Variants in MYO1E observed in about 807,000 individuals in gnomAD.
MYO1E encodes unconventional myosin-Ie.
In MYO1E, 68 loss-of-function variants were observed where a neutral mutation model predicts 151.1. The observed-to-expected ratio is 0.45, with a 90% confidence interval of 0.37 to 0.55. The LOEUF is 0.55. MYO1E is among the 20% of genes least tolerant of loss of function. The pLI, the probability that MYO1E is intolerant of heterozygous loss-of-function variation, is 0.00. For missense variants in MYO1E, 1,363 were observed against 1,389.3 expected, an observed-to-expected ratio of 0.98 and a Z score of 0.30; for synonymous variants, 601 against 501.7, an observed-to-expected ratio of 1.20 and a Z score of -2.64.
intron 1 of MYO1E, among the ~76,000 whole-genome samples, chr15:59,354,357 T>A (rs2080841988): frequency 6.6e-6 from 1 of 152,170 alleles, no homozygotes; most frequent in Non-Finnish European, 1.5e-5. Context: ...GACACAACCT[T>A]GGTCAGGAAA....
chr15:59,323,168 CA>C (rs10569332), intron 1 of MYO1E, among the ~76,000 whole-genome samples: 9,538 of 63,674 alleles, frequency 0.15, 158 homozygotes, highest in East Asian at 0.33. Context: ...GACCCCATCA[CA>C]AAAAAAAAAA....
At chr15:59,289,359 T>G (rs541555483) in intron 1 of MYO1E, among the ~76,000 whole-genome samples, 1 of 152,352 alleles carries the variant, frequency 6.6e-6, no homozygotes, top group African/African-American at 2.4e-5. Context: ...GCCCTGACCC[T>G]CTGGCAATCA....
chr15:59,204,018 G>A (rs892810215), intron 15 of MYO1E, among the ~76,000 whole-genome samples: 45 of 152,164 alleles, frequency 3.0e-4, no homozygotes, highest in East Asian at 1.5e-3. Flanking sequence ...GGCCATGTCC[G>A]TATGACAGCA....
chr15:59,325,166 G>A (rs1352277580), intron 1 of MYO1E, among the ~76,000 whole-genome samples: 1 of 152,052 alleles, frequency 6.6e-6, no homozygotes, highest in Non-Finnish European at 1.5e-5. Flanking sequence ...CTTCCGAGGA[G>A]CTGTGACTAC....
intron 18 of MYO1E, among the ~76,000 whole-genome samples, chr15:59,181,262 G>A (rs767036251): frequency 2.6e-5 from 4 of 152,154 alleles, no homozygotes; most frequent in Non-Finnish European, 5.9e-5. Context: ...TGCTTGTGAG[G>A]AAGTGTAAAT....
At chr15:59,236,139 C>T (rs188564838) in intron 5 of MYO1E, among the ~76,000 whole-genome samples, 4 of 151,816 alleles carry the variant, frequency 2.6e-5, no homozygotes, top group South Asian at 2.1e-4. Context: ...GTCAGGAGTT[C>T]GAGACCAGAC....
chr15:59,322,251 T>C (rs2080631260), intron 1 of MYO1E, among the ~76,000 whole-genome samples: 1 of 151,822 alleles, frequency 6.6e-6, no homozygotes. Context: ...TGGATGACAG[T>C]ACCCCAAACC....
At chr15:59,319,203 T>G (rs1210324551) in intron 1 of MYO1E, among the ~76,000 whole-genome samples, 1 of 151,894 alleles carries the variant, frequency 6.6e-6, no homozygotes, top group African/African-American at 2.4e-5. Context: ...CCCAGCTACT[T>G]GGGAGGCTGA....
chr15:59,151,965 G>C (rs1470841719), intron 26 of MYO1E, among the ~76,000 whole-genome samples: 2 of 152,082 alleles, frequency 1.3e-5, no homozygotes, highest in African/African-American at 2.4e-5. Context: ...CTACTCGGGA[G>C]GCTGAGGCAG....
chr15:59,239,225 T>TATATA (rs1300583176), intron 4 of MYO1E, among the ~76,000 whole-genome samples: 128 of 34,640 alleles, frequency 3.7e-3, no homozygotes, highest in South Asian at 9.4e-3. Flanking sequence ...TATATATATA[T>TATATA]TTTTTTTATT....
intron 9 of MYO1E, among the ~76,000 whole-genome samples, chr15:59,221,103 G>A (rs2079953426): frequency 1.3e-5 from 2 of 149,368 alleles, no homozygotes; most frequent in African/African-American, 2.5e-5. Context: ...GTTGCCCAGG[G>A]TTCAAACGAT....
chr15:59,370,180 T>C (rs1194611871), intron 1 of MYO1E, among the ~76,000 whole-genome samples: 2 of 152,240 alleles, frequency 1.3e-5, no homozygotes, highest in Non-Finnish European at 2.9e-5. Context: ...GGTAATGTCC[T>C]TTCCCTTCCT....
intron 17 of MYO1E, among the ~76,000 whole-genome samples, chr15:59,192,530 A>C (rs556540511): frequency 3.2e-4 from 48 of 152,268 alleles, no homozygotes; most frequent in African/African-American, 1.2e-3. Flanking sequence ...AGGGTGTGCT[A>C]GGGGGCATTG....
intron 1 of MYO1E, among the ~76,000 whole-genome samples, chr15:59,360,653 AC>A (rs1357520037): frequency 6.6e-6 from 1 of 152,016 alleles, no homozygotes; most frequent in Non-Finnish European, 1.5e-5. Context: ...TTTTCCCCCA[AC>A]AAAAGACAGC....
chr15:59,136,667 T>A lies in MYO1E; in HGVS notation c.*713A>T, dbSNP rs1197587569. 2 of 456,338 alleles carry A rather than the reference T, an allele frequency of 4.4e-6. No individual in the cohort carries two copies. Among genetic ancestry groups the A allele is most frequent in the African/African-American group, 4.0e-5 (2 of 50,076 alleles). 28.3% of individuals were successfully genotyped at this position (456,338 alleles called of 1,614,324 possible). A position where few individuals can be genotyped will look rare whatever the true frequency, so the allele number is the denominator to read the frequency against. On this transcript the variant is annotated 3_prime_UTR_variant, in exon 28 of 28. Transcript: ENST00000288235. The stretch of plus-strand genomic sequence containing the variant: ...TGTACAGCTTGAAAAAAGATCCTTC[T>A]TGTAGTAAGTACAGCATTTAAACAC...
chr15:59,231,269 C>G (rs1461584811), intron 6 of MYO1E, among the ~76,000 whole-genome samples: 2 of 152,184 alleles, frequency 1.3e-5, no homozygotes, highest in African/African-American at 2.4e-5. Flanking sequence ...GGTGCCAGAT[C>G]AGTCTAACTC....
chr15:59,360,473 C>T (rs2080878878), intron 1 of MYO1E, among the ~76,000 whole-genome samples: 1 of 152,174 alleles, frequency 6.6e-6, no homozygotes, highest in Non-Finnish European at 1.5e-5. Context: ...CCTTGGAAGG[C>T]CTGCATTCCC....
chr15:59,187,140 C>A (rs1460686828), intron 18 of MYO1E, among the ~76,000 whole-genome samples: 3 of 152,172 alleles, frequency 2.0e-5, no homozygotes, highest in Non-Finnish European at 4.4e-5. Flanking sequence ...ATCAAGAATT[C>A]TTGCACTTAT....
chr15:59,363,522 C>T (rs1354826132), intron 1 of MYO1E, among the ~76,000 whole-genome samples: 3 of 152,126 alleles, frequency 2.0e-5, no homozygotes, highest in East Asian at 1.9e-4. Flanking sequence ...TACGTGGACT[C>T]GGCATTGTCA....
Sources: allele counts gnomAD v4.1 joint callset (sites outside exome capture counted in the v4.1 genomes callset), GRCh38; gene constraint gnomAD v4.1.1; transcripts MANE v1.5; gene names NCBI Gene and HGNC (gene_info 2026-07-23, HGNC 2026-07-21).